The following ZFAT variants were observed in gnomAD, a reference collection of about 807,000 sequenced individuals.
ZFAT encodes the protein zinc finger protein ZFAT.
ZFAT carries 64 observed loss-of-function variants against 117.7 expected under a neutral mutation model. The ratio of observed to expected loss-of-function variants is 0.54; its 90% confidence interval spans 0.44 to 0.67. ZFAT has a LOEUF of 0.67. Among genes scored for constraint, ZFAT ranks in the 30% least tolerant of loss-of-function variants. The probability of loss-of-function intolerance (pLI) is 0.00; values close to 1 mark genes in which losing one functional copy is unlikely to be tolerated. For missense variants in ZFAT, 1,433 were observed against 1,584.5 expected, an observed-to-expected ratio of 0.90 and a Z score of 1.62; for synonymous variants, 679 against 615.0, an observed-to-expected ratio of 1.10 and a Z score of -1.54.
intron 3 of ZFAT, among the ~76,000 whole-genome samples, chr8:134,634,139 A>G (rs1382825498): frequency 2.6e-5 from 4 of 152,260 alleles, no homozygotes; most frequent in Admixed American, 6.5e-5. Context: ...ATTAGTTGTA[A>G]AACACTGAGA....
Position 134,602,252 on chromosome 8 carries a change from G to A in ZFAT, c.1467C>T (p.Val489=). The part of the protein sequence containing the change: ...EVHGAAQEAL[V]FTSSINQSFC... ...AGCTCTGGTTGATGGAACTGGTGAA[G>A]ACCAAGGCCTCCTGGGCAGCCCCGT... Residue 489 remains valine (V), a synonymous_variant, in exon 6 of 16, where the codon GTC becomes GTT. Transcript: ENST00000377838. The A allele has an allele frequency of 6.2e-7, 1 of 1,613,786 alleles. No individual in the cohort carries two copies. Among genetic ancestry groups the A allele is most frequent in the Non-Finnish European group, 8.5e-7 (1 of 1,180,036 alleles).
intron 10 of ZFAT, among the ~76,000 whole-genome samples, chr8:134,581,806 A>C (rs1343876529): frequency 1.3e-5 from 2 of 152,114 alleles, no homozygotes; most frequent in African/African-American, 4.8e-5. Flanking sequence ...GGCTGGTCTC[A>C]AACTCCTTCG....
the ZFAT span, among the ~76,000 whole-genome samples, chr8:134,809,807 C>T: frequency 6.6e-6 from 1 of 152,112 alleles, no homozygotes; most frequent in African/African-American, 2.4e-5. Context: ...ATAGGGCATT[C>T]AGAATTTTTG....
intron 1 of ZFAT, among the ~76,000 whole-genome samples, chr8:134,678,593 C>A (rs1794072889): frequency 6.6e-6 from 1 of 152,192 alleles, no homozygotes. Context: ...CTTTAAATTT[C>A]ATATGGAACC....
chr8:134,645,020 C>A (rs1239243184), intron 2 of ZFAT, among the ~76,000 whole-genome samples: 1 of 152,084 alleles, frequency 6.6e-6, no homozygotes, highest in Non-Finnish European at 1.5e-5. Context: ...ATCACACACA[C>A]GAGAATGAGC....
At chr8:134,683,511 T>C (rs1233203569) in intron 1 of ZFAT, among the ~76,000 whole-genome samples, 2 of 151,964 alleles carry the variant, frequency 1.3e-5, no homozygotes, top group Middle Eastern at 3.4e-3. Flanking sequence ...AAAGGGGAAG[T>C]TGAACTGCTC....
At chr8:134,659,452 T>C (rs1382906620) in intron 1 of ZFAT, among the ~76,000 whole-genome samples, 1 of 152,202 alleles carries the variant, frequency 6.6e-6, no homozygotes, top group African/African-American at 2.4e-5. Context: ...AGACCAACAC[T>C]TCACTTGTGT....
chr8:134,807,438 G>GA, the ZFAT span, among the ~76,000 whole-genome samples: 40,467 of 151,534 alleles, frequency 0.27, 5,643 homozygotes, highest in African/African-American at 0.3. Flanking sequence ...AAATATTCTG[G>GA]AAAAAAAACC....
At chr8:134,714,119 CCA>C (rs1491557623), upstream of ZFAT, among the ~76,000 whole-genome samples, 580 of 107,996 alleles carry the variant, frequency 5.4e-3, no homozygotes, top group Non-Finnish European at 8.1e-3. Flanking sequence ...CCCCCCCCCC[CCA>C]AAAAAAAAAA....
intron 2 of ZFAT, among the ~76,000 whole-genome samples, chr8:134,651,368 T>A (rs1831229743): frequency 6.6e-6 from 1 of 152,238 alleles, no homozygotes; most frequent in African/African-American, 2.4e-5. Context: ...AATGAAGCAC[T>A]GATACATGCT....
At chr8:134,757,865 A>T in the ZFAT span, among the ~76,000 whole-genome samples, 1 of 152,244 alleles carries the variant, frequency 6.6e-6, no homozygotes, top group East Asian at 1.9e-4. Flanking sequence ...AGAGGGGAAC[A>T]GCTCTCTTGG....
chr8:134,691,906 C>T (rs1833605826), intron 1 of ZFAT, among the ~76,000 whole-genome samples: 1 of 152,202 alleles, frequency 6.6e-6, no homozygotes, highest in South Asian at 2.1e-4. Flanking sequence ...CCAGAGTGTT[C>T]ACTTAAGAAA....
At chr8:134,774,602 T>C in the ZFAT span, among the ~76,000 whole-genome samples, 2 of 152,248 alleles carry the variant, frequency 1.3e-5, no homozygotes, top group African/African-American at 2.4e-5. Flanking sequence ...ATAATGTTAC[T>C]GCACACCTAA....
chr8:134,828,954 T>C, the ZFAT span, among the ~76,000 whole-genome samples: 4 of 152,238 alleles, frequency 2.6e-5, no homozygotes, highest in Non-Finnish European at 5.9e-5. Flanking sequence ...TTGTGGACTT[T>C]AGACCAAATC....
At chr8:134,518,630 T>G (rs1228264515) in intron 13 of ZFAT, among the ~76,000 whole-genome samples, 3 of 152,070 alleles carry the variant, frequency 2.0e-5, no homozygotes, top group African/African-American at 7.2e-5. Flanking sequence ...TTCTCATCAC[T>G]ATTTTTATAG....
intron 3 of ZFAT, among the ~76,000 whole-genome samples, chr8:134,617,175 C>T (rs1197181172): frequency 1.3e-5 from 2 of 152,286 alleles, no homozygotes; most frequent in South Asian, 2.1e-4. Context: ...GAGAGCTTCC[C>T]ACCTCTGCTC....
At chr8:134,496,068 T>C (rs918420004) in intron 15 of ZFAT, among the ~76,000 whole-genome samples, 6 of 152,182 alleles carry the variant, frequency 3.9e-5, no homozygotes, top group East Asian at 1.9e-4. Context: ...GAATTCTACA[T>C]GCACAGTAAG....
chr8:134,540,648 C>T (rs533407183), intron 11 of ZFAT, among the ~76,000 whole-genome samples: 4 of 152,282 alleles, frequency 2.6e-5, no homozygotes, highest in African/African-American at 9.6e-5. Flanking sequence ...TCAACTGCCC[C>T]GGACTCACTC....
At chr8:134,713,131 G>T, upstream of ZFAT, 1 of 369,558 alleles carries the variant, frequency 2.7e-6, no homozygotes. Context: ...CGGCAGGGCC[G>T]AGCTAACGCG....
Sources: allele counts gnomAD v4.1 joint callset (sites outside exome capture counted in the v4.1 genomes callset), GRCh38; gene constraint gnomAD v4.1.1; transcripts MANE v1.5; gene names NCBI Gene and HGNC (gene_info 2026-07-23, HGNC 2026-07-21).